PRR16: variants seen among roughly 807,000 people sequenced by gnomAD.
The protein encoded by PRR16 is protein Largen.
PRR16 carries 6 observed loss-of-function variants against 18.2 expected under a neutral mutation model. The observed-to-expected ratio is 0.33, with a 90% CI of 0.18 to 0.65. The LOEUF (loss-of-function observed/expected upper bound fraction) is 0.65, where lower values mean the gene tolerates loss of function less well. Ranked by LOEUF, PRR16 falls within the 30% of genes least tolerant of loss-of-function variation. The pLI, the probability that PRR16 is intolerant of heterozygous loss-of-function variation, is 0.74. For synonymous variants in PRR16, 151 were observed against 147.8 expected (o/e 1.02, Z -0.16); for missense variants, 412 against 376.6 (o/e 1.09, Z -0.78).
intron 1 of PRR16, among the ~76,000 whole-genome samples, chr5:120,580,863 A>C (rs566161629): frequency 6.6e-6 from 1 of 152,338 alleles, no homozygotes; most frequent in East Asian, 1.9e-4. Flanking sequence ...CTTGCATCCC[A>C]GGGATGAAGC....
intron 1 of PRR16, among the ~76,000 whole-genome samples, chr5:120,682,001 G>A (rs1172290422): frequency 1.3e-5 from 2 of 152,172 alleles, no homozygotes; most frequent in African/African-American, 4.8e-5. Context: ...TTCATTGTCT[G>A]TTTGAATACT....
At chr5:120,765,898 T>C in the PRR16 span, among the ~76,000 whole-genome samples, 1 of 152,038 alleles carries the variant, frequency 6.6e-6, no homozygotes, top group Admixed American at 6.6e-5. Context: ...AGTGATCCTG[T>C]GTTTACAATC....
chr5:120,658,949 A>G (rs757353183), intron 1 of PRR16, among the ~76,000 whole-genome samples: 1 of 151,600 alleles, frequency 6.6e-6, no homozygotes, highest in Non-Finnish European at 1.5e-5. Context: ...CCAACTTCTT[A>G]TTCTTCCCTC....
chr5:120,554,609 G>A (rs549763346), intron 1 of PRR16, among the ~76,000 whole-genome samples: 3 of 151,904 alleles, frequency 2.0e-5, no homozygotes, highest in African/African-American at 7.2e-5. Flanking sequence ...ATGTAAATAA[G>A]AGAACTAGCA....
intron 1 of PRR16, among the ~76,000 whole-genome samples, chr5:120,499,205 G>A (rs571619661): frequency 4.8e-4 from 73 of 151,682 alleles, no homozygotes; most frequent in African/African-American, 1.6e-3. Flanking sequence ...TGCCTACCGG[G>A]TTCCAGCGAC....
chr5:120,576,565 G>A (rs767006644), intron 1 of PRR16, among the ~76,000 whole-genome samples: 13 of 152,130 alleles, frequency 8.5e-5, no homozygotes, highest in Non-Finnish European at 1.3e-4. Context: ...CTCTGCTGGC[G>A]GAAATGTAAA....
At chr5:120,616,758 A>T (rs72792301) in intron 1 of PRR16, among the ~76,000 whole-genome samples, 2 of 152,124 alleles carry the variant, frequency 1.3e-5, no homozygotes, top group African/African-American at 4.8e-5. Flanking sequence ...GTGGTAACCT[A>T]CAAAGCATCC....
At chr5:120,672,302 C>G (rs1756637501) in intron 1 of PRR16, among the ~76,000 whole-genome samples, 1 of 133,256 alleles carries the variant, frequency 7.5e-6, no homozygotes, top group South Asian at 2.5e-4. Context: ...AACAGAGGAA[C>G]TAGTCCTAAG....
In PRR16 at chr5:120,663,995, G is replaced by A. The variant is rs141962093; in HGVS notation, c.160-21959G>A. ...TAGTATGTTGATTAAAACAGTTAATGTGTAAAAAACTGGACAAATCTGGCC... is the reference window on the plus strand; with the variant it reads ...TAGTATGTTGATTAAAACAGTTAATATGTAAAAAACTGGACAAATCTGGCC... On this transcript the variant is annotated intron_variant, in intron 1 of 1. Coordinates refer to ENST00000407149, the MANE Select transcript of PRR16 (RefSeq NM_001300783.2). Among the ~76,000 whole-genome samples, 391 of 152,166 alleles carry A rather than the reference G, an allele frequency of 2.6e-3. 2 individuals are homozygous for A. Among genetic ancestry groups the A allele is most frequent in the African/African-American group, 9.1e-3 (377 of 41,524 alleles).
chr5:120,527,122 A>G (rs1007943409), intron 1 of PRR16, among the ~76,000 whole-genome samples: 7 of 152,068 alleles, frequency 4.6e-5, no homozygotes, highest in Non-Finnish European at 8.8e-5. Flanking sequence ...GGATCAGCAA[A>G]CCTTTTTTGT....
At chr5:120,561,070 T>G (rs1752559852) in intron 1 of PRR16, among the ~76,000 whole-genome samples, 1 of 151,704 alleles carries the variant, frequency 6.6e-6, no homozygotes, top group African/African-American at 2.4e-5. Context: ...AGAAACAAAT[T>G]TTTTGCTTTG....
the PRR16 span, among the ~76,000 whole-genome samples, chr5:120,794,134 A>G: frequency 5.9e-5 from 9 of 152,152 alleles, no homozygotes; most frequent in East Asian, 1.7e-3. Flanking sequence ...TCACTCATCA[A>G]CAGGAAAGAT....
chr5:120,793,032 G>A, the PRR16 span, among the ~76,000 whole-genome samples: 1 of 149,396 alleles, frequency 6.7e-6, no homozygotes, highest in African/African-American at 2.4e-5. Flanking sequence ...GGTGCCTGTA[G>A]TTCCAGCTAC....
chr5:120,738,067 G>A, the PRR16 span, among the ~76,000 whole-genome samples: 3 of 151,950 alleles, frequency 2.0e-5, no homozygotes, highest in Non-Finnish European at 2.9e-5. Flanking sequence ...GGCAAAAAGT[G>A]TAGCAACTAG....
chr5:120,754,499 T>TAA, the PRR16 span, among the ~76,000 whole-genome samples: 69 of 64,878 alleles, frequency 1.1e-3, 2 homozygotes, highest in East Asian at 4.2e-3. Flanking sequence ...AGTATGTATT[T>TAA]TATTATGTAT....
At chr5:120,668,862 A>C (rs1488640779) in intron 1 of PRR16, among the ~76,000 whole-genome samples, 2 of 152,200 alleles carry the variant, frequency 1.3e-5, no homozygotes, top group East Asian at 1.9e-4. Context: ...GGGTAACCCG[A>C]CCTTTCTCTC....
chr5:120,635,168 G>A (rs534478631), intron 1 of PRR16, among the ~76,000 whole-genome samples: 1 of 152,082 alleles, frequency 6.6e-6, no homozygotes, highest in Non-Finnish European at 1.5e-5. Context: ...TGAATTCATG[G>A]CTGAATTCTA....
intron 1 of PRR16, among the ~76,000 whole-genome samples, chr5:120,485,411 C>T (rs1341689118): frequency 6.6e-6 from 1 of 152,154 alleles, no homozygotes; most frequent in East Asian, 1.9e-4. Flanking sequence ...TACTTTTCCG[C>T]ACGTTTCTTA....
At chr5:120,623,195 GA>G (rs575518306) in intron 1 of PRR16, among the ~76,000 whole-genome samples, 2 of 151,844 alleles carry the variant, frequency 1.3e-5, no homozygotes, top group Admixed American at 1.3e-4. Context: ...AGTGAGGAAA[GA>G]AAAAAACATA....
Sources: allele counts gnomAD v4.1 joint callset (sites outside exome capture counted in the v4.1 genomes callset), GRCh38; gene constraint gnomAD v4.1.1; transcripts MANE v1.5; gene names NCBI Gene and HGNC (gene_info 2026-07-23, HGNC 2026-07-21).